TFDP2: variants seen among roughly 807,000 people sequenced by gnomAD.
TFDP2 encodes the protein transcription factor Dp-2 (E2F dimerization partner 2).
A neutral mutation model predicts 59.3 loss-of-function variants in TFDP2; 17 were observed. That is an observed-to-expected ratio of 0.29 (90% CI 0.20 to 0.43). TFDP2 has a LOEUF of 0.43. TFDP2 is among the 20% of genes least tolerant of loss of function. TFDP2 has a pLI of 1.00. For synonymous variants in TFDP2, 180 were observed against 194.7 expected, an observed-to-expected ratio of 0.92 and a Z score of 0.63; for missense variants, 391 against 528.8, an observed-to-expected ratio of 0.74 and a Z score of 2.56.
intron 3 of TFDP2, 115 bp downstream of exon 3, chr3:142,092,946 C>A (rs897104830): frequency 3.0e-6 from 2 of 676,292 alleles, no homozygotes; most frequent in East Asian, 5.9e-5. Flanking sequence ...CATGGAACAA[C>A]GTGCTAATAT....
intron 2 of TFDP2, among the ~76,000 whole-genome samples, chr3:142,097,733 T>C (rs368805573): frequency 2.6e-5 from 4 of 152,182 alleles, no homozygotes; most frequent in African/African-American, 7.2e-5. Context: ...TCCAGAGATA[T>C]CAAGATAAGA....
chr3:142,081,841 G>A (rs1383710738), intron 3 of TFDP2, among the ~76,000 whole-genome samples: 2 of 152,102 alleles, frequency 1.3e-5, no homozygotes, highest in Non-Finnish European at 1.5e-5. Context: ...TAATAAAAAG[G>A]CTTTCAGTAA....
chr3:142,074,582 T>C (rs763471236), intron 3 of TFDP2, among the ~76,000 whole-genome samples: 56 of 152,078 alleles, frequency 3.7e-4, no homozygotes, highest in Non-Finnish European at 6.6e-4. Flanking sequence ...CCAGGTATGG[T>C]GGCTCACACC....
At chr3:142,062,163 A>G (rs2059937716) in intron 3 of TFDP2, among the ~76,000 whole-genome samples, 1 of 152,078 alleles carries the variant, frequency 6.6e-6, no homozygotes, top group Non-Finnish European at 1.5e-5. Flanking sequence ...TCTTCTTAAT[A>G]ACATTTTCCT....
chr3:142,092,985 A>C (rs1207859409), intron 3 of TFDP2, 76 bp downstream of exon 3: 1 of 954,684 alleles, frequency 1.0e-6, no homozygotes, highest in African/African-American at 1.7e-5. Flanking sequence ...AAAGTAATTC[A>C]TGTAGCTGCA....
At chr3:142,033,303 T>C (rs1395547027) in intron 3 of TFDP2, among the ~76,000 whole-genome samples, 5 of 152,240 alleles carry the variant, frequency 3.3e-5, no homozygotes, top group African/African-American at 9.6e-5. Context: ...GCTACTGTAT[T>C]GAACACTGTA....
chr3:141,968,969 CT>C (rs1214954798), intron 9 of TFDP2, among the ~76,000 whole-genome samples: 3 of 95,062 alleles, frequency 3.2e-5, no homozygotes, highest in African/African-American at 1.2e-4. Context: ...ACATATATAT[CT>C]CATATATATA....
At position 141,994,921 on chromosome 3, in the gene TFDP2, A is replaced by T. The variant is rs547821585; in HGVS notation, c.308+99T>A. On this transcript the variant is annotated intron_variant, in intron 5 of 12. Coordinates refer to ENST00000489671, the MANE Select transcript of TFDP2 (RefSeq NM_001178139.2). ...TTTTAAAGGAAAAACATTTGTTTTT[A>T]AGAACTAAACTAAAACAAGAACAGA... 199 of 1,065,056 alleles carry T rather than the reference A, an allele frequency of 1.9e-4. No homozygotes were observed. The African/African-American group carries it at 2.8e-3, about 15-fold the overall frequency. 66.0% of individuals were successfully genotyped at this position (1,065,056 alleles called of 1,614,324 possible). A position where few individuals can be genotyped will look rare whatever the true frequency, so the allele number is the denominator to read the frequency against.
intron 4 of TFDP2, among the ~76,000 whole-genome samples, chr3:141,998,294 C>T (rs1943465321): frequency 6.6e-6 from 1 of 152,104 alleles, no homozygotes; most frequent in Non-Finnish European, 1.5e-5. Flanking sequence ...GTCATGCTTT[C>T]TAACCCTGAA....
rs759658026 is a variant in TFDP2, at chr3:141,949,807, A to ATTTTTT, written c.*2700_*2705dup. 7,867 of 97,960 alleles carry ATTTTTT rather than the reference A, an allele frequency of 0.08. 1,376 individuals are homozygous for ATTTTTT. The highest frequency in any genetic ancestry group is 0.23 in the African/African-American group (5,204 of 22,928). The allele number at this position is 97,960 out of a possible 1,614,324, so 6.1% of individuals were successfully genotyped here. A position where few individuals can be genotyped will look rare whatever the true frequency, so the allele number is the denominator to read the frequency against. The stretch of plus-strand genomic sequence containing the variant: ...CCTGGGCATTGTGACCACAACTTCC[A>ATTTTTT]TTTTTTTTTTTTTTTTTTTTGAGAC... On this transcript the variant is annotated 3_prime_UTR_variant, in exon 13 of 13. Transcript: ENST00000489671.
intron 8 of TFDP2, among the ~76,000 whole-genome samples, chr3:141,972,552 TC>T (rs754700751): frequency 5.9e-5 from 9 of 152,176 alleles, no homozygotes; most frequent in Non-Finnish European, 7.3e-5. Flanking sequence ...CTCATGCCTG[TC>T]TCAGCCCATG....
chr3:142,111,827 G>T (rs1314531681), intron 1 of TFDP2, among the ~76,000 whole-genome samples: 2 of 151,880 alleles, frequency 1.3e-5, no homozygotes, highest in Non-Finnish European at 2.9e-5. Flanking sequence ...GCACTTTGGG[G>T]GGCTGAGGCA....
chr3:141,981,764 G>C (rs1021738920), intron 6 of TFDP2, among the ~76,000 whole-genome samples: 8 of 152,202 alleles, frequency 5.3e-5, no homozygotes, highest in Admixed American at 4.6e-4. Context: ...TGAGGCAAAA[G>C]CAGAGACACA....
Position 141,951,180 on chromosome 3 carries a change from C to G in TFDP2, c.*1333G>C, listed in dbSNP as rs971266810. 5 of 152,160 alleles carry G rather than the reference C, an allele frequency of 3.3e-5. No individual in the cohort carries two copies. The highest frequency in any genetic ancestry group is 1.2e-4 in the African/African-American group (5 of 41,428). 9.4% of individuals were successfully genotyped at this position (152,160 alleles called of 1,614,324 possible). ...GTCAAAGTTTTGGAGTTAATTCTCCCATTATTATTTGCTCCTTTCCAAAGC... is the reference window on the plus strand; with the variant it reads ...GTCAAAGTTTTGGAGTTAATTCTCCGATTATTATTTGCTCCTTTCCAAAGC... On this transcript the variant is annotated 3_prime_UTR_variant, in exon 13 of 13. Coordinates refer to ENST00000489671, the MANE Select transcript of TFDP2 (RefSeq NM_001178139.2).
intron 3 of TFDP2, among the ~76,000 whole-genome samples, chr3:142,008,730 G>A (rs945125702): frequency 1.1e-4 from 16 of 151,194 alleles, no homozygotes; most frequent in Non-Finnish European, 1.5e-5. Context: ...CATATAAAGT[G>A]TATATATATA....
chr3:141,975,380 C>T (rs1354433099), intron 7 of TFDP2, among the ~76,000 whole-genome samples: 2 of 151,964 alleles, frequency 1.3e-5, no homozygotes, highest in African/African-American at 2.4e-5. Context: ...AGTTATAGAA[C>T]TGAATGTAAA....
At chr3:142,109,146 A>G (rs1265872970) in intron 1 of TFDP2, among the ~76,000 whole-genome samples, 1 of 152,208 alleles carries the variant, frequency 6.6e-6, no homozygotes, top group African/African-American at 2.4e-5. Context: ...TCACCCTTAC[A>G]TATCAAATGC....
intron 3 of TFDP2, among the ~76,000 whole-genome samples, chr3:142,019,053 A>ATTTTTTTTTTTTTTT: frequency 7.1e-6 from 1 of 140,316 alleles, no homozygotes; most frequent in South Asian, 2.2e-4. Context: ...TTCTTCGCAC[A>ATTTTTTTTTTTTTTT]TTTTTTTTTT....
intron 3 of TFDP2, among the ~76,000 whole-genome samples, chr3:142,051,099 C>T (rs968138829): frequency 3.9e-5 from 6 of 152,204 alleles, no homozygotes; most frequent in Non-Finnish European, 5.9e-5. Flanking sequence ...CAGAGTTTCT[C>T]AACCTTGGCA....
Sources: allele counts gnomAD v4.1 joint callset (sites outside exome capture counted in the v4.1 genomes callset), GRCh38; gene constraint gnomAD v4.1.1; transcripts MANE v1.5; gene names NCBI Gene and HGNC (gene_info 2026-07-23, HGNC 2026-07-21).